TIMM23B: variants seen among roughly 807,000 people sequenced by gnomAD.
TIMM23B encodes the protein mitochondrial import inner membrane translocase subunit Tim23B.
A neutral mutation model predicts 27.3 loss-of-function variants in TIMM23B; 27 were observed. The ratio of observed to expected loss-of-function variants is 0.99; its 90% confidence interval spans 0.73 to 1.36. The LOEUF is 1.36. TIMM23B is among the 40% of genes most tolerant of loss of function. The pLI, the probability that TIMM23B is intolerant of heterozygous loss-of-function variation, is 0.00. For missense variants in TIMM23B, 205 were observed against 244.2 expected (o/e 0.84, Z 1.07); for synonymous variants, 73 against 92.4 (o/e 0.79, Z 1.21).
At chr10:49,972,976 A>G (rs1840518028) in intron 6 of TIMM23B, 36 bp from the exon 7 acceptor site, 1 of 1,097,172 alleles carries the variant, frequency 9.1e-7, no homozygotes, top group Non-Finnish European at 1.3e-6. Context: ...ATTTCTTGAT[A>G]ATATGTTTGG....
chr10:49,968,341 A>G (rs61847131), intron 6 of TIMM23B, among the ~76,000 whole-genome samples: 26,069 of 151,148 alleles, frequency 0.17, 1,460 homozygotes, highest in Non-Finnish European at 0.25. Context: ...AAAAACTTAG[A>G]TTTTACAATC....
chr10:49,967,216 C>T (rs1165243232), intron 6 of TIMM23B, among the ~76,000 whole-genome samples: 2 of 152,024 alleles, frequency 1.3e-5, no homozygotes, highest in African/African-American at 4.8e-5. Flanking sequence ...ACCACCGCGC[C>T]CGGCCCCCTC....
Position 49,958,385 on chromosome 10 carries a change from C to T in TIMM23B, c.419C>T (p.Ala140Val), listed in dbSNP as rs2133078538. ...TCCTCTTTAGCGTTGCTCTATAGTGCATTTGGTGTCATCATTGAGAAAACA... is the reference window on the plus strand; with the variant it reads ...TCCTCTTTAGCGTTGCTCTATAGTGTATTTGGTGTCATCATTGAGAAAACA... Reference protein sequence around the residue: ...TLGSLALLYSAFGVIIEKTRG... With the variant: ...TLGSLALLYSVFGVIIEKTRG... The change falls in exon 6 of 7, where the codon GCA (alanine) becomes GTA (valine). Residue 140 changes from alanine to valine, a missense_variant. Transcript: ENST00000651259. The T allele has an allele frequency of 1.9e-6, 3 of 1,613,860 alleles. No homozygotes were observed. The highest frequency in any genetic ancestry group is 2.5e-6 in the Non-Finnish European group (3 of 1,179,806).
chr10:49,945,617 CAA>C (rs1464826542), intron 2 of TIMM23B, among the ~76,000 whole-genome samples: 2 of 152,048 alleles, frequency 1.3e-5, no homozygotes, highest in African/African-American at 4.8e-5. Context: ...GGATTACAGG[CAA>C]AGTGTGTTTT....
At chr10:49,950,486 A>G (rs1384232252) in intron 2 of TIMM23B, among the ~76,000 whole-genome samples, 1 of 146,564 alleles carries the variant, frequency 6.8e-6, no homozygotes, top group African/African-American at 2.5e-5. Flanking sequence ...GCTAACGTGC[A>G]CTTTTGCTTG....
intron 6 of TIMM23B, among the ~76,000 whole-genome samples, chr10:49,967,208 C>T (rs1355891003): frequency 1.3e-3 from 195 of 152,150 alleles, no homozygotes; most frequent in African/African-American, 4.5e-3. Context: ...AGGTGTGAAC[C>T]ACCGCGCCCG....
rs1452308012 is a variant in TIMM23B at position 49,973,207 on chromosome 10, C to T, written c.*143C>T. 9 of 555,158 alleles carry T rather than the reference C, an allele frequency of 1.6e-5. No individual in the cohort carries two copies. The highest frequency in any genetic ancestry group is 2.8e-5 in the East Asian group (1 of 35,114). 34.4% of individuals were successfully genotyped at this position (555,158 alleles called of 1,614,324 possible). ...CCATGGAATGGACAAGTAGTAGTCT[C>T]TGTCAGAGCTACATTTTAAAGGAGA... is the stretch of plus-strand genomic sequence containing the variant. On this transcript the variant is annotated 3_prime_UTR_variant, in exon 7 of 7. Coordinates refer to ENST00000651259, the MANE Select transcript of TIMM23B (RefSeq NM_001290117.2).
chr10:49,952,208 G>T lies in TIMM23B; in HGVS notation c.248G>T (p.Cys83Phe). ...CTGGCCTTCTTTACGATTGGAGGGTGTTGCATGACAGGTGAGTGTTACATA... is the reference window on the plus strand; with the variant it reads ...CTGGCCTTCTTTACGATTGGAGGGTTTTGCATGACAGGTGAGTGTTACATA... ...FELAFFTIGG[C>F]CMTGAAFGAM... Residue 83 changes from cysteine (C) to phenylalanine (F), a missense_variant, in exon 3 of 7, where the codon TGT (cysteine) becomes TTT (phenylalanine). By Grantham distance (205) the Cys-to-Phe change is radical. Transcript: ENST00000651259. 2 of 1,605,962 alleles carry T rather than the reference G, an allele frequency of 1.2e-6. No homozygotes were observed. Among genetic ancestry groups the T allele is most frequent in the Non-Finnish European group, 1.7e-6 (2 of 1,172,606 alleles).
At chr10:49,956,984 G>T (rs1218094377) in intron 5 of TIMM23B, among the ~76,000 whole-genome samples, 11 of 147,066 alleles carry the variant, frequency 7.5e-5, no homozygotes, top group African/African-American at 2.7e-4. Flanking sequence ...AATCTCTTTT[G>T]CAGTGGACAG....
chr10:49,972,981 G>A, intron 6 of TIMM23B, 31 bp from the exon 7 acceptor site: 1 of 1,182,836 alleles, frequency 8.5e-7, no homozygotes, highest in Non-Finnish European at 1.2e-6. Flanking sequence ...TTGATAATAT[G>A]TTTGGTTATT....
chr10:49,955,236 A>T (rs1285863289), intron 5 of TIMM23B, among the ~76,000 whole-genome samples, 176 bp downstream of exon 5: 1 of 152,240 alleles, frequency 6.6e-6, no homozygotes, highest in Non-Finnish European at 1.5e-5. Flanking sequence ...CTAACTTATG[A>T]AATAATCTCA....
chr10:49,959,231 A>G (rs1839820133), intron 6 of TIMM23B, among the ~76,000 whole-genome samples: 1 of 152,074 alleles, frequency 6.6e-6, no homozygotes, highest in African/African-American at 2.4e-5. Flanking sequence ...TTAATCTTGG[A>G]CAGACTAAGC....
intron 6 of TIMM23B, among the ~76,000 whole-genome samples, chr10:49,969,393 TG>T (rs1840313082): frequency 7.0e-6 from 1 of 142,904 alleles, no homozygotes; most frequent in Non-Finnish European, 1.5e-5. Flanking sequence ...GCCTTCATTG[TG>T]CCACTGCACT....
intron 6 of TIMM23B, among the ~76,000 whole-genome samples, chr10:49,965,714 C>T (rs1346335253): frequency 4.2e-5 from 6 of 142,990 alleles, no homozygotes; most frequent in Admixed American, 1.4e-4. Flanking sequence ...AAATGAAATA[C>T]GAAATGCCGG....
intron 6 of TIMM23B, among the ~76,000 whole-genome samples, chr10:49,964,020 G>A (rs551540656): frequency 1.8e-4 from 27 of 151,946 alleles, no homozygotes; most frequent in African/African-American, 6.3e-4. Context: ...AATGAAATGC[G>A]TGTGGTGCAC....
intron 6 of TIMM23B, among the ~76,000 whole-genome samples, chr10:49,962,113 T>A (rs1839937562): frequency 1.3e-5 from 2 of 152,238 alleles, no homozygotes; most frequent in Non-Finnish European, 2.9e-5. Context: ...AACTTAACTC[T>A]TTAGAAGTTT....
rs1391040594 is a variant in TIMM23B, at chr10:49,942,246, T to G, written c.52T>G (p.Phe18Val). 1.9e-6 allele frequency: 3 copies of G among 1,612,752 alleles called. No individual in the cohort carries two copies. The highest frequency in any genetic ancestry group is 2.5e-6 in the Non-Finnish European group (3 of 1,179,370). ...GDKTTGVLAG[F>V]FGAGEAGYSH... The stretch of plus-strand genomic sequence containing the variant: ...CAAAACCACAGGGGTATTGGCCGGC[T>G]TTTTCGGAGCCGGCGAAGCAGGTTA... Residue 18 changes from phenylalanine (F) to valine (V), a missense_variant, in exon 1 of 7, where the codon TTT (phenylalanine) becomes GTT (valine). By Grantham distance (50) the Phe-to-Val change is conservative (BLOSUM62 -1). Transcript: ENST00000651259.
chr10:49,968,329 A>G (rs1195154602), intron 6 of TIMM23B, among the ~76,000 whole-genome samples: 3 of 152,280 alleles, frequency 2.0e-5, no homozygotes, highest in African/African-American at 7.2e-5. Flanking sequence ...CAGATAGCTC[A>G]GAAAAACTTA....
intron 2 of TIMM23B, among the ~76,000 whole-genome samples, chr10:49,950,701 C>T (rs1232353678): frequency 2.0e-5 from 3 of 151,806 alleles, no homozygotes; most frequent in African/African-American, 4.8e-5. Flanking sequence ...ACTGCCACGC[C>T]CAGCTAATTT....
Sources: allele counts gnomAD v4.1 joint callset (sites outside exome capture counted in the v4.1 genomes callset), GRCh38; gene constraint gnomAD v4.1.1; transcripts MANE v1.5; gene names NCBI Gene and HGNC (gene_info 2026-07-23, HGNC 2026-07-21).